The following LARGE1 variants were observed in gnomAD, a reference collection of about 807,000 sequenced individuals.
LARGE1 encodes xylosyl- and glucuronyltransferase LARGE1.
Under a neutral mutation model 87.6 loss-of-function variants are expected in LARGE1, and 43 were observed. The observed-to-expected ratio is 0.49, with a 90% CI of 0.38 to 0.63. The LOEUF (loss-of-function observed/expected upper bound fraction) is 0.63, where lower values mean the gene tolerates loss of function less well. LARGE1 is among the 30% of genes least tolerant of loss of function. LARGE1 has a pLI of 0.00. For synonymous variants in LARGE1, 434 were observed against 394.6 expected, an observed-to-expected ratio of 1.10 and a Z score of -1.18; for missense variants, 802 against 1,000.2, an observed-to-expected ratio of 0.80 and a Z score of 2.67.
At chr22:33,259,377 C>G (rs919567948) in intron 11 of LARGE1, among the ~76,000 whole-genome samples, 1 of 151,858 alleles carries the variant, frequency 6.6e-6, no homozygotes, top group African/African-American at 2.4e-5. Flanking sequence ...CACACACACA[C>G]ATACACACAC....
chr22:33,266,370 C>T lies in LARGE1; in HGVS notation c.1730+37859G>A, dbSNP rs906209108. ...CCGAGTAGCTGGGACTACAGGCACT[C>T]GCCACCATGCCCAGCTAATTTTTTC... is the stretch of plus-strand genomic sequence containing the variant. On this transcript the variant is annotated intron_variant, in intron 11 of 11. Coordinates refer to the LARGE1 transcript ENST00000608642. 9.9e-5 allele frequency among the ~76,000 whole-genome samples: 15 copies of T among 151,196 alleles called. No individual in the cohort carries two copies. In the South Asian group the frequency reaches 2.5e-3, roughly 25 times the overall value.
At chr22:33,390,689 GT>G (rs200764992) in intron 7 of LARGE1, among the ~76,000 whole-genome samples, 2,448 of 131,714 alleles carry the variant, frequency 0.019, 47 homozygotes, top group East Asian at 0.064. Flanking sequence ...TTTGTTGTGT[GT>G]TTTTTTTTTT....
the LARGE1 span, among the ~76,000 whole-genome samples, chr22:33,100,579 A>C: frequency 2.0e-5 from 3 of 152,066 alleles, no homozygotes; most frequent in Non-Finnish European, 4.4e-5. Flanking sequence ...TTTAGATAAT[A>C]TTTTTAGAGT....
chr22:33,391,652 T>G (rs1045641121), intron 7 of LARGE1, among the ~76,000 whole-genome samples: 1 of 151,926 alleles, frequency 6.6e-6, no homozygotes, highest in South Asian at 2.1e-4. Context: ...CATGTCCCCC[T>G]CTTCTCCCAA....
intron 1 of LARGE1, among the ~76,000 whole-genome samples, chr22:33,879,376 A>G (rs530893122): frequency 6.6e-6 from 1 of 152,310 alleles, no homozygotes; most frequent in Non-Finnish European, 1.5e-5. Context: ...TCCTCCCAAC[A>G]GCCCCATGAG....
chr22:33,524,750 T>TA (rs76544936), intron 6 of LARGE1, among the ~76,000 whole-genome samples: 1,672 of 94,070 alleles, frequency 0.018, 26 homozygotes, highest in South Asian at 0.083. Context: ...TAGGTAAAGC[T>TA]AAAAAAAAAA....
At chr22:33,747,961 C>A (rs897504766) in intron 2 of LARGE1, 3 of 145,704 alleles carry the variant, frequency 2.1e-5, no homozygotes, top group Non-Finnish European at 4.5e-5. Flanking sequence ...GCTGGGACAC[C>A]ACCTCAAGCA....
At chr22:33,187,646 C>T (rs922006368) in intron 11 of LARGE1, among the ~76,000 whole-genome samples, 29 of 151,880 alleles carry the variant, frequency 1.9e-4, no homozygotes, top group African/African-American at 6.8e-4. Flanking sequence ...AGGCCGGGCG[C>T]GATGGCTCAC....
At chr22:33,633,063 C>A (rs1203918997) in intron 3 of LARGE1, among the ~76,000 whole-genome samples, 1 of 152,156 alleles carries the variant, frequency 6.6e-6, no homozygotes, top group Non-Finnish European at 1.5e-5. Context: ...CCTTGTCTTA[C>A]AACCTGCAGA....
intron 11 of LARGE1, among the ~76,000 whole-genome samples, chr22:33,252,203 T>G (rs1313957509): frequency 6.6e-6 from 1 of 152,078 alleles, no homozygotes; most frequent in Non-Finnish European, 1.5e-5. Flanking sequence ...TAATTATTTT[T>G]AAGTTATAAA....
At chr22:33,298,625 C>CT (rs1382454754) in intron 12 of LARGE1, among the ~76,000 whole-genome samples, 1 of 152,146 alleles carries the variant, frequency 6.6e-6, no homozygotes, top group East Asian at 1.9e-4. Context: ...GAGTTTGAGA[C>CT]TAGCCTGGAC....
At chr22:33,572,529 G>A (rs1296714010) in intron 5 of LARGE1, among the ~76,000 whole-genome samples, 2 of 152,194 alleles carry the variant, frequency 1.3e-5, no homozygotes, top group Non-Finnish European at 2.9e-5. Flanking sequence ...GTTTGAAAAA[G>A]CATTAAATGA....
At chr22:33,767,976 G>A (rs893549564) in intron 1 of LARGE1, among the ~76,000 whole-genome samples, 3 of 152,364 alleles carry the variant, frequency 2.0e-5, no homozygotes, top group Admixed American at 6.5e-5. Context: ...CCCAGCACCT[G>A]AAGAGAAAGA....
At position 33,546,615 on chromosome 22, in the gene LARGE1, C is replaced by T. The variant is rs959922179; in HGVS notation, c.787+18233G>A. The stretch of plus-strand genomic sequence containing the variant: ...TTTTATTTTTTTTGAGACACAGTCT[C>T]ACTCTGTCACCCAGGCGGGAGTGCA... On this transcript the variant is annotated intron_variant, in intron 6 of 14. Coordinates refer to ENST00000397394, the MANE Select transcript of LARGE1 (RefSeq NM_133642.5). Among the ~76,000 whole-genome samples the T allele has an allele frequency of 3.3e-5, 5 of 152,262 alleles. No individual in the cohort carries two copies. In the East Asian group the frequency reaches 9.6e-4, roughly 29 times the overall value.
At chr22:33,864,343 C>G (rs2064022994) in intron 1 of LARGE1, among the ~76,000 whole-genome samples, 2 of 152,168 alleles carry the variant, frequency 1.3e-5, no homozygotes, top group Admixed American at 1.3e-4. Flanking sequence ...AAGTGCTATG[C>G]TGATATAAAT....
intron 6 of LARGE1, among the ~76,000 whole-genome samples, chr22:33,541,293 C>T (rs545720509): frequency 8.6e-5 from 13 of 151,270 alleles, no homozygotes; most frequent in East Asian, 3.9e-4. Flanking sequence ...CAGGGCAAGC[C>T]GACTTTTTGA....
rs528841205 is a variant in LARGE1, at chr22:33,821,485, C to T, written c.-82-59927G>A. 1.1e-3 allele frequency among the ~76,000 whole-genome samples: 174 copies of T among 152,292 alleles called. 1 individual carries two copies. Among genetic ancestry groups the T allele is most frequent in the Middle Eastern group, 3.4e-3 (1 of 294 alleles). On this transcript the variant is annotated intron_variant, in intron 1 of 14. Transcript: ENST00000397394. ...CACCATGCCTTACAGATATAAACCA[C>T]GTCTGACAAATGTTTGTCTGACTAA...
the LARGE1 span, among the ~76,000 whole-genome samples, chr22:33,115,437 G>T: frequency 6.7e-6 from 1 of 148,938 alleles, no homozygotes; most frequent in Non-Finnish European, 1.5e-5. Context: ...GCGATAGAGT[G>T]AGACTACCTC....
intron 6 of LARGE1, chr22:33,562,940 A>G (rs1424905499): frequency 6.6e-6 from 1 of 152,602 alleles, no homozygotes; most frequent in Non-Finnish European, 1.5e-5. Context: ...TATTAGAGAG[A>G]GCTCTTGAGA....
Sources: gnomAD v4.1 joint callset for allele counts (sites outside exome capture counted in the v4.1 genomes callset) on GRCh38, gnomAD v4.1.1 for gene constraint, MANE v1.5 for transcripts, NCBI Gene and HGNC (gene_info 2026-07-23, HGNC 2026-07-21) for gene names.